The following AFG2A variants were observed in gnomAD, a reference collection of about 807,000 sequenced individuals.
AFG2A encodes AAA ATPase AFG2A.
the AFG2A span, among the ~76,000 whole-genome samples, chr4:123,217,630 A>G: frequency 6.6e-6 from 1 of 152,202 alleles, no homozygotes; most frequent in East Asian, 1.9e-4. Context: ...GACTTGTGTC[A>G]TACCCCTTCC....
chr4:123,126,986 T>G, the AFG2A span, among the ~76,000 whole-genome samples: 1,909 of 152,254 alleles, frequency 0.013, 39 homozygotes, highest in African/African-American at 0.043. Context: ...TTTGGGAGCC[T>G]GGGGCAGGAG....
chr4:123,208,769 A>G, the AFG2A span, among the ~76,000 whole-genome samples: 9 of 152,346 alleles, frequency 5.9e-5, no homozygotes, highest in Admixed American at 2.6e-4. Flanking sequence ...AGAAATAGCC[A>G]TTCTTCTGTA....
chr4:123,195,885 C>A, the AFG2A span, among the ~76,000 whole-genome samples: 2 of 152,148 alleles, frequency 1.3e-5, no homozygotes, highest in African/African-American at 4.8e-5. Context: ...TATATTTTTC[C>A]CCATCCTACC....
the AFG2A span, among the ~76,000 whole-genome samples, chr4:123,312,006 T>C: frequency 0.96 from 146,428 of 152,302 alleles, 70,432 homozygotes; most frequent in African/African-American, 0.99. Context: ...GGTTACCTCT[T>C]TTTTTCTCAA....
the AFG2A span, among the ~76,000 whole-genome samples, chr4:122,988,571 G>A: frequency 1.3e-5 from 2 of 151,716 alleles, no homozygotes; most frequent in African/African-American, 4.8e-5. Flanking sequence ...GCTAATTTCT[G>A]TATTTTTAGT....
chr4:123,100,438 G>A, the AFG2A span, among the ~76,000 whole-genome samples: 3 of 151,736 alleles, frequency 2.0e-5, no homozygotes, highest in Non-Finnish European at 2.9e-5. Context: ...TTGTTTTTCA[G>A]GCTTGACATT....
chr4:123,248,144 T>C, the AFG2A span, among the ~76,000 whole-genome samples: 2 of 152,234 alleles, frequency 1.3e-5, no homozygotes, highest in Non-Finnish European at 2.9e-5. Flanking sequence ...TAAGACTTTT[T>C]TATTCAAATT....
the AFG2A span, among the ~76,000 whole-genome samples, chr4:123,111,914 G>C: frequency 6.6e-6 from 1 of 151,946 alleles, no homozygotes; most frequent in Non-Finnish European, 1.5e-5. Context: ...GTGAAGACAG[G>C]GTTTCACCAT....
the AFG2A span, among the ~76,000 whole-genome samples, chr4:122,945,001 T>C: frequency 1.3e-5 from 2 of 152,160 alleles, no homozygotes; most frequent in Non-Finnish European, 2.9e-5. Flanking sequence ...CTGGAAGTTT[T>C]GTCTCAGAGG....
At chr4:123,237,431 G>C in the AFG2A span, among the ~76,000 whole-genome samples, 2 of 151,768 alleles carry the variant, frequency 1.3e-5, no homozygotes, top group South Asian at 2.1e-4. Context: ...CCAGCACTTT[G>C]GGAGGAGATC....
the AFG2A span, among the ~76,000 whole-genome samples, chr4:123,209,586 A>ATTTTTT: frequency 2.7e-4 from 31 of 116,246 alleles, no homozygotes; most frequent in African/African-American, 8.8e-4. Context: ...TGCATCAAGA[A>ATTTTTT]TTTTTTTTTT....
the AFG2A span, among the ~76,000 whole-genome samples, chr4:123,195,173 C>A: frequency 0.53 from 79,898 of 152,040 alleles, 24,351 homozygotes; most frequent in Non-Finnish European, 0.67. Context: ...ATGTATCAAA[C>A]CACGTGGTAT....
the AFG2A span, among the ~76,000 whole-genome samples, chr4:123,015,412 TCTGTTTAA>T: frequency 6.6e-6 from 1 of 152,060 alleles, no homozygotes. Flanking sequence ...CCTTCAAGCA[TCTGTTTAA>T]CAAAGCACAT....
the AFG2A span, among the ~76,000 whole-genome samples, chr4:123,297,108 A>G: frequency 1.3e-5 from 2 of 152,138 alleles, no homozygotes; most frequent in East Asian, 3.8e-4. Flanking sequence ...TTAGCCATTC[A>G]TGACCCCTCC....
At chr4:123,176,919 A>G in the AFG2A span, among the ~76,000 whole-genome samples, 91 of 152,268 alleles carry the variant, frequency 6.0e-4, no homozygotes, top group African/African-American at 1.9e-3. Flanking sequence ...CCCAAAAGGA[A>G]TGAGCTGTTG....
At chr4:123,263,747 G>A in the AFG2A span, among the ~76,000 whole-genome samples, 2 of 152,248 alleles carry the variant, frequency 1.3e-5, no homozygotes, top group African/African-American at 4.8e-5. Context: ...AGGGGACATC[G>A]TTACACTGCT....
the AFG2A span, among the ~76,000 whole-genome samples, chr4:123,122,486 G>A: frequency 6.6e-6 from 1 of 152,104 alleles, no homozygotes; most frequent in African/African-American, 2.4e-5. Context: ...TACTGAAAGT[G>A]AAAAACAGAA....
the AFG2A span, among the ~76,000 whole-genome samples, chr4:122,946,905 T>A: frequency 1.3e-5 from 2 of 152,072 alleles, no homozygotes; most frequent in Non-Finnish European, 2.9e-5. Context: ...ACATATTATA[T>A]ATATGTTATT....
chr4:122,976,910 T>G, the AFG2A span, among the ~76,000 whole-genome samples: 2 of 152,242 alleles, frequency 1.3e-5, no homozygotes, highest in Non-Finnish European at 2.9e-5. Flanking sequence ...GGATGTTGTT[T>G]TGTAAATTCT....
Sources: allele counts gnomAD v4.1 joint callset (sites outside exome capture counted in the v4.1 genomes callset), GRCh38; gene constraint gnomAD v4.1.1; transcripts MANE v1.5; gene names NCBI Gene and HGNC (gene_info 2026-07-23, HGNC 2026-07-21).